TAFA2: variants seen among roughly 807,000 people sequenced by gnomAD.
The protein encoded by TAFA2 is chemokine-like protein TAFA-2.
In TAFA2, 7 loss-of-function variants were observed where a neutral mutation model predicts 18.8. The observed-to-expected ratio is 0.37, with a 90% CI of 0.21 to 0.70. TAFA2 has a LOEUF of 0.70. Among genes scored for constraint, TAFA2 ranks in the 30% least tolerant of loss-of-function variants. The probability of loss-of-function intolerance (pLI) is 0.53; values close to 1 mark genes in which losing one functional copy is unlikely to be tolerated. For synonymous variants in TAFA2, 60 were observed against 54.2 expected (o/e 1.11, Z -0.47); for missense variants, 122 against 158.1 (o/e 0.77, Z 1.23).
In TAFA2 at chr12:61,755,043, TAAGAC is replaced by T. The variant is rs1319690691; in HGVS notation, c.107-24_107-20del. 1 of 1,611,390 alleles carries T rather than the reference TAAGAC, an allele frequency of 6.2e-7. No individual in the cohort carries two copies. Among genetic ancestry groups the T allele is most frequent in the Non-Finnish European group, 8.5e-7 (1 of 1,178,480 alleles). ...TGGTGAGCTGCACAAACAAAAAAGATAAGACAACATTGAGAAAGCTTTGGACACTT... is the reference window on the plus strand; with the variant it reads ...TGGTGAGCTGCACAAACAAAAAAGATAACATTGAGAAAGCTTTGGACACTT... On this transcript the variant is annotated intron_variant, in intron 2 of 4. Coordinates refer to ENST00000416284, the MANE Select transcript of TAFA2 (RefSeq NM_178539.5).
chr12:62,017,036 C>T (rs1289930465), intron 1 of TAFA2, among the ~76,000 whole-genome samples: 3 of 152,146 alleles, frequency 2.0e-5, no homozygotes, highest in African/African-American at 7.2e-5. Flanking sequence ...TTACTGAGGG[C>T]TTACCATGCA....
At chr12:61,931,991 G>A (rs1345061712) in intron 1 of TAFA2, among the ~76,000 whole-genome samples, 1 of 151,912 alleles carries the variant, frequency 6.6e-6, no homozygotes, top group African/African-American at 2.4e-5. Context: ...TTCCCCCTTT[G>A]CCTCATACCT....
intron 1 of TAFA2, among the ~76,000 whole-genome samples, chr12:62,145,155 C>T (rs2062271270): frequency 6.6e-6 from 1 of 152,176 alleles, no homozygotes; most frequent in African/African-American, 2.4e-5. Flanking sequence ...TGTCTTTCCC[C>T]CATCACTGTT....
intron 2 of TAFA2, among the ~76,000 whole-genome samples, chr12:61,791,921 G>A (rs1870997856): frequency 6.6e-6 from 1 of 151,694 alleles, no homozygotes; most frequent in South Asian, 2.1e-4. Context: ...GCACCACAAT[G>A]TTTCTTGCAG....
In TAFA2 at chr12:62,237,830, G is replaced by C. The variant is rs571865884; in HGVS notation, c.-130+20933C>G. ...TTCCCAACCCAGATTAGGGGTTACA[G>C]GGTCCCAAAGGGGATACCCTGATTG... On this transcript the variant is annotated intron_variant, in intron 1 of 5. Coordinates refer to the TAFA2 transcript ENST00000551619. Among the ~76,000 whole-genome samples, 6 of 152,326 alleles carry C rather than the reference G, an allele frequency of 3.9e-5. No individual in the cohort carries two copies. In the East Asian group the frequency reaches 1.2e-3, roughly 29 times the overall value.
rs575004430 is a variant in TAFA2, at chr12:61,806,755, G to C, written c.107-51731C>G. On this transcript the variant is annotated intron_variant, in intron 2 of 4. Coordinates refer to ENST00000416284, the MANE Select transcript of TAFA2 (RefSeq NM_178539.5). Reference sequence around the variant, plus strand: ...GATGAGGAACTTGTTGGGAACTGGAGCAAAGGTGATGCTTGTTATGTTTTA... The same window carrying C: ...GATGAGGAACTTGTTGGGAACTGGACCAAAGGTGATGCTTGTTATGTTTTA... 6.6e-5 allele frequency among the ~76,000 whole-genome samples: 10 copies of C among 152,348 alleles called. No homozygotes were observed. In the South Asian group the frequency reaches 2.1e-3, roughly 32 times the overall value.
chr12:62,186,565 A>C (rs185821253), intron 1 of TAFA2, among the ~76,000 whole-genome samples: 47 of 152,296 alleles, frequency 3.1e-4, no homozygotes, highest in Middle Eastern at 3.4e-3. Flanking sequence ...CGTTTAAAAG[A>C]AGCAATATAA....
intron 2 of TAFA2, among the ~76,000 whole-genome samples, chr12:61,820,017 G>A (rs187484318): frequency 1.9e-4 from 29 of 152,100 alleles, no homozygotes; most frequent in Non-Finnish European, 7.4e-5. Context: ...ATCTTGAAAG[G>A]AGCCACTCTA....
At chr12:62,059,118 A>AT (rs777938428) in intron 1 of TAFA2, among the ~76,000 whole-genome samples, 22,595 of 68,354 alleles carry the variant, frequency 0.33, 1,924 homozygotes, top group Non-Finnish European at 0.35. Context: ...AAATAATAAT[A>AT]ATATATATAT....
intron 2 of TAFA2, among the ~76,000 whole-genome samples, chr12:61,825,516 T>G (rs1276450631): frequency 6.6e-6 from 1 of 152,084 alleles, no homozygotes; most frequent in African/African-American, 2.4e-5. Flanking sequence ...CAAGAATATT[T>G]GGCAATAAGG....
chr12:61,968,759 A>G (rs947274240), intron 1 of TAFA2, among the ~76,000 whole-genome samples: 2 of 151,726 alleles, frequency 1.3e-5, no homozygotes, highest in African/African-American at 4.8e-5. Context: ...AATCAATCAC[A>G]TTAGGAAACT....
intron 1 of TAFA2, among the ~76,000 whole-genome samples, chr12:61,904,333 T>C (rs1435807777): frequency 6.6e-6 from 1 of 152,082 alleles, no homozygotes; most frequent in African/African-American, 2.4e-5. Flanking sequence ...CAAAAACTCA[T>C]GTATTTAAGA....
chr12:62,004,180 A>AGAGCAGCC (rs1880470077), intron 1 of TAFA2, among the ~76,000 whole-genome samples: 1 of 152,190 alleles, frequency 6.6e-6, no homozygotes, highest in Non-Finnish European at 1.5e-5. Flanking sequence ...CCAACACTTA[A>AGAGCAGCC]GAGCAGCCAT....
intron 1 of TAFA2, among the ~76,000 whole-genome samples, chr12:62,035,733 C>CTTTTTTTTTTTTTTTTTTTTT (rs34859628): frequency 5.0e-5 from 3 of 60,234 alleles, no homozygotes; most frequent in Admixed American, 2.2e-4. Context: ...ATGATTCTTT[C>CTTTTTTTTTTTTTTTTTTTTT]TTTTTTTTTT....
intron 1 of TAFA2, among the ~76,000 whole-genome samples, chr12:61,931,538 A>G (rs1485654639): frequency 6.6e-6 from 1 of 152,188 alleles, no homozygotes; most frequent in African/African-American, 2.4e-5. Context: ...TGGAATTTTT[A>G]TTGCAGCTTA....
At chr12:62,240,478 G>A (rs2062857875) in intron 1 of TAFA2, among the ~76,000 whole-genome samples, 1 of 151,418 alleles carries the variant, frequency 6.6e-6, no homozygotes, top group African/African-American at 2.4e-5. Flanking sequence ...AATGTAGTTT[G>A]TTGTATGGTT....
chr12:61,840,789 A>C (rs967501442), intron 2 of TAFA2, among the ~76,000 whole-genome samples: 1 of 152,020 alleles, frequency 6.6e-6, no homozygotes, highest in African/African-American at 2.4e-5. Flanking sequence ...CACAGTGGGA[A>C]AGTGAGGATG....
intron 1 of TAFA2, among the ~76,000 whole-genome samples, chr12:61,958,621 T>A (rs1196282792): frequency 1.3e-5 from 2 of 152,010 alleles, no homozygotes; most frequent in Non-Finnish European, 2.9e-5. Context: ...TCCTCTTCTG[T>A]GAATCATATA....
chr12:61,938,138 A>G (rs533535991), intron 1 of TAFA2, among the ~76,000 whole-genome samples: 1 of 152,036 alleles, frequency 6.6e-6, no homozygotes, highest in African/African-American at 2.4e-5. Context: ...CATTATTGCA[A>G]AGATAAAATA....
Sources: allele counts gnomAD v4.1 joint callset (sites outside exome capture counted in the v4.1 genomes callset), GRCh38; gene constraint gnomAD v4.1.1; transcripts MANE v1.5; gene names NCBI Gene and HGNC (gene_info 2026-07-23, HGNC 2026-07-21).